CNTNAP2: variants seen among roughly 807,000 people sequenced by gnomAD.
CNTNAP2 encodes the protein contactin-associated protein-like 2.
A neutral mutation model predicts 155.2 loss-of-function variants in CNTNAP2; 98 were observed. The ratio of observed to expected loss-of-function variants is 0.63; its 90% CI spans 0.54 to 0.75. The LOEUF (loss-of-function observed/expected upper bound fraction) is 0.75, where lower values mean the gene tolerates loss of function less well. CNTNAP2 is among the 30% of genes least tolerant of loss of function. CNTNAP2 has a pLI of 0.00. For synonymous variants in CNTNAP2, 651 were observed against 631.2 expected, an observed-to-expected ratio of 1.03 and a Z score of -0.47; for missense variants, 1,727 against 1,688.1, an observed-to-expected ratio of 1.02 and a Z score of -0.40.
At chr7:146,682,800 A>G (rs1800527924) in intron 1 of CNTNAP2, among the ~76,000 whole-genome samples, 1 of 152,186 alleles carries the variant, frequency 6.6e-6, no homozygotes, top group Non-Finnish European at 1.5e-5. Flanking sequence ...TTAATAGATA[A>G]GGAAGAAAAA....
chr7:146,789,715 A>T (rs897320700), intron 2 of CNTNAP2, among the ~76,000 whole-genome samples: 1 of 151,878 alleles, frequency 6.6e-6, no homozygotes, highest in South Asian at 2.1e-4. Context: ...TAAATAAGAA[A>T]AAACTACTGA....
intron 1 of CNTNAP2, among the ~76,000 whole-genome samples, chr7:146,721,988 A>C (rs1193876968): frequency 6.8e-6 from 1 of 147,966 alleles, no homozygotes; most frequent in Non-Finnish European, 1.5e-5. Flanking sequence ...TCCTAGGTTC[A>C]AGCAATTCTC....
intron 13 of CNTNAP2, among the ~76,000 whole-genome samples, chr7:147,893,556 A>G (rs1240284888): frequency 6.6e-6 from 1 of 152,174 alleles, no homozygotes; most frequent in Non-Finnish European, 1.5e-5. Flanking sequence ...TCTGATGGTA[A>G]GGATCACAGG....
intron 13 of CNTNAP2, among the ~76,000 whole-genome samples, chr7:147,742,340 A>G (rs1796969303): frequency 6.6e-6 from 1 of 152,214 alleles, no homozygotes; most frequent in South Asian, 2.1e-4. Flanking sequence ...CCCTTCTTTG[A>G]AACATCTTGT....
chr7:146,327,775 G>A (rs1016079777), intron 1 of CNTNAP2, among the ~76,000 whole-genome samples: 1 of 152,206 alleles, frequency 6.6e-6, no homozygotes, highest in Non-Finnish European at 1.5e-5. Flanking sequence ...CCTATTTTAA[G>A]TAGAAGGATT....
At chr7:146,666,892 G>T (rs1800204892) in intron 1 of CNTNAP2, among the ~76,000 whole-genome samples, 2 of 152,068 alleles carry the variant, frequency 1.3e-5, no homozygotes, top group South Asian at 4.1e-4. Flanking sequence ...TGAATCCCTT[G>T]TCAGATGTAG....
At chr7:146,137,494 G>A (rs985427202) in intron 1 of CNTNAP2, among the ~76,000 whole-genome samples, 12 of 151,936 alleles carry the variant, frequency 7.9e-5, no homozygotes, top group East Asian at 1.9e-4. Flanking sequence ...GAAATATTTA[G>A]GACTTGAAAG....
chr7:146,903,862 T>A (rs772325421), intron 3 of CNTNAP2, among the ~76,000 whole-genome samples: 1 of 152,198 alleles, frequency 6.6e-6, no homozygotes. Context: ...AAGAATAGAT[T>A]GTTAACATTT....
chr7:148,319,727 A>G (rs1405716643), intron 21 of CNTNAP2, among the ~76,000 whole-genome samples: 1 of 151,790 alleles, frequency 6.6e-6, no homozygotes, highest in African/African-American at 2.4e-5. Flanking sequence ...ATGAGAATCT[A>G]ATGCTTGATG....
chr7:147,283,275 T>A (rs1012253072), intron 8 of CNTNAP2, among the ~76,000 whole-genome samples: 2 of 151,856 alleles, frequency 1.3e-5, no homozygotes, highest in African/African-American at 4.8e-5. Context: ...TGTTGACATA[T>A]ACATATGGAA....
rs10689191 is a variant in CNTNAP2 at position 147,727,747 on chromosome 7, CTTT to C, written c.2098+88454_2098+88456del. ...GAAACAAGCCTGTTTCCAAAGCCTG[CTTT>C]TTTTTTTTTTTTCCTGCGCTCACTG... On this transcript the variant is annotated intron_variant, in intron 13 of 23. Coordinates refer to ENST00000361727, the MANE Select transcript of CNTNAP2 (RefSeq NM_014141.6). Among the ~76,000 whole-genome samples, 12 of 141,644 alleles carry C rather than the reference CTTT, an allele frequency of 8.5e-5. No homozygotes were observed. The South Asian group carries it at 2.7e-3, about 32-fold the overall frequency. The allele number at this position is 141,644 out of a possible 152,430, so 92.9% of individuals were successfully genotyped here.
intron 2 of CNTNAP2, among the ~76,000 whole-genome samples, chr7:146,812,429 G>GTATATATATATAAAATATATATATA (rs1803082684): frequency 7.0e-6 from 1 of 143,062 alleles, no homozygotes; most frequent in African/African-American, 2.7e-5. Flanking sequence ...TCTTTTATAT[G>GTATATATATATAAAATATATATATA]TATATATATA....
intron 10 of CNTNAP2, among the ~76,000 whole-genome samples, chr7:147,424,243 C>T (rs1380641425): frequency 6.6e-6 from 1 of 152,096 alleles, no homozygotes; most frequent in Non-Finnish European, 1.5e-5. Context: ...TTTAAAGTAA[C>T]AATCATCATT....
At chr7:146,829,678 G>A (rs1157930679) in intron 2 of CNTNAP2, among the ~76,000 whole-genome samples, 1 of 151,974 alleles carries the variant, frequency 6.6e-6, no homozygotes, top group African/African-American at 2.4e-5. Context: ...TGTTATTGTT[G>A]CATCACTGGA....
At chr7:146,482,223 A>AC (rs1187120393) in intron 1 of CNTNAP2, among the ~76,000 whole-genome samples, 2 of 151,002 alleles carry the variant, frequency 1.3e-5, no homozygotes, top group African/African-American at 4.8e-5. Context: ...AAAAAAAAAA[A>AC]AAACTCCAGT....
At chr7:146,436,322 T>C (rs962392696) in intron 1 of CNTNAP2, among the ~76,000 whole-genome samples, 1 of 152,194 alleles carries the variant, frequency 6.6e-6, no homozygotes, top group Non-Finnish European at 1.5e-5. Context: ...TGCTCTTATG[T>C]TCTTGCTATT....
chr7:147,746,267 A>G (rs1029539367), intron 13 of CNTNAP2, among the ~76,000 whole-genome samples: 2 of 152,188 alleles, frequency 1.3e-5, no homozygotes, highest in Non-Finnish European at 2.9e-5. Context: ...ACTGATTGAA[A>G]GATACCAGAT....
intron 13 of CNTNAP2, among the ~76,000 whole-genome samples, chr7:147,751,134 G>A (rs1301808227): frequency 6.6e-6 from 1 of 151,546 alleles, no homozygotes; most frequent in Admixed American, 6.6e-5. Context: ...GCCACAATTA[G>A]CTGTGTGACC....
At chr7:146,366,160 A>G (rs1795152500) in intron 1 of CNTNAP2, among the ~76,000 whole-genome samples, 1 of 152,184 alleles carries the variant, frequency 6.6e-6, no homozygotes, top group African/African-American at 2.4e-5. Context: ...ATTTTTGTGC[A>G]TGAAAAAGTG....
Sources: allele counts gnomAD v4.1 joint callset (sites outside exome capture counted in the v4.1 genomes callset), GRCh38; gene constraint gnomAD v4.1.1; transcripts MANE v1.5; gene names NCBI Gene and HGNC (gene_info 2026-07-23, HGNC 2026-07-21).